MAST4: variants seen among roughly 807,000 people sequenced by gnomAD.
MAST4 encodes microtubule associated serine/threonine kinase family member 4, also known as microtubule-associated serine/threonine-protein kinase 4.
Under a neutral mutation model 162.7 loss-of-function variants are expected in MAST4, and 89 were observed. The ratio of observed to expected loss-of-function variants is 0.55; its 90% CI spans 0.46 to 0.65. The LOEUF (loss-of-function observed/expected upper bound fraction) is 0.65, where lower values mean the gene tolerates loss of function less well. Among genes scored for constraint, MAST4 ranks in the 30% least tolerant of loss-of-function variants. The probability of loss-of-function intolerance (pLI) is 0.00; values close to 1 mark genes in which losing one functional copy is unlikely to be tolerated. For missense variants in MAST4, 3,153 were observed against 3,374.0 expected (o/e 0.93, Z 1.62); for synonymous variants, 1,479 against 1,361.1 (o/e 1.09, Z -1.91).
At chr5:66,670,460 G>A (rs1243255469) in intron 1 of MAST4, among the ~76,000 whole-genome samples, 1 of 152,010 alleles carries the variant, frequency 6.6e-6, no homozygotes, top group Non-Finnish European at 1.5e-5. Flanking sequence ...TTATAAATCA[G>A]GATTGTGGAA....
intron 3 of MAST4, among the ~76,000 whole-genome samples, chr5:66,834,771 C>G (rs1561365507): frequency 6.6e-6 from 1 of 152,200 alleles, no homozygotes; most frequent in Non-Finnish European, 1.5e-5. Flanking sequence ...CAATCAGACT[C>G]TTAATCCTCA....
At chr5:67,030,680 T>C (rs2150430225) in intron 4 of MAST4, among the ~76,000 whole-genome samples, 1 of 152,256 alleles carries the variant, frequency 6.6e-6, no homozygotes, top group Non-Finnish European at 1.5e-5. Context: ...GTTTAAAACA[T>C]TAAAACCATA....
intron 3 of MAST4, among the ~76,000 whole-genome samples, chr5:66,807,299 A>G (rs1424504504): frequency 6.6e-6 from 1 of 152,024 alleles, no homozygotes; most frequent in South Asian, 2.1e-4. Flanking sequence ...GATCGAGACC[A>G]TCCTGGCTAA....
In MAST4 at chr5:66,759,839, G is replaced by A; in HGVS notation, c.494G>A (p.Gly165Glu). Reference sequence around the variant, plus strand: ...GAGGATGGAAGACAGCTAAGGCGAGGGAGCCTGGGAGGAGCCCTGACTGGT... The same window carrying A: ...GAGGATGGAAGACAGCTAAGGCGAGAGAGCCTGGGAGGAGCCCTGACTGGT... ...LSEDGRQLRR[G>E]SLGGALTGRY... Residue 165 changes from glycine to glutamate, a missense_variant, in exon 2 of 29, where the codon GGG becomes GAG. Physicochemically the swap from Gly to Glu is moderately conservative, Grantham distance 98 (BLOSUM62 -2). Transcript: ENST00000403625. 6.2e-7 allele frequency: 1 copy of A among 1,613,924 alleles called. No individual in the cohort carries two copies. The highest frequency in any genetic ancestry group is 8.5e-7 in the Non-Finnish European group (1 of 1,179,860).
intron 1 of MAST4, among the ~76,000 whole-genome samples, chr5:66,696,517 C>T (rs1749412032): frequency 6.6e-6 from 1 of 152,090 alleles, no homozygotes; most frequent in Admixed American, 6.6e-5. Flanking sequence ...CTGTCATTCT[C>T]ATAACTTGAG....
chr5:66,782,289 C>CA (rs573328157), intron 2 of MAST4, among the ~76,000 whole-genome samples: 32,515 of 92,318 alleles, frequency 0.35, 4,809 homozygotes, highest in Middle Eastern at 0.48. Context: ...GACTTCGTCT[C>CA]AAAAAAAAAA....
chr5:66,812,401 G>A (rs983863669), intron 3 of MAST4, among the ~76,000 whole-genome samples: 11 of 152,086 alleles, frequency 7.2e-5, no homozygotes, highest in Non-Finnish European at 1.5e-5. Context: ...TTGAAACATG[G>A]CCCAGGAAAC....
chr5:67,128,165 A>G (rs1768492009), intron 14 of MAST4, among the ~76,000 whole-genome samples: 1 of 152,244 alleles, frequency 6.6e-6, no homozygotes, highest in Admixed American at 6.5e-5. Context: ...CTGATAAGCA[A>G]TAATGCTTTC....
intron 4 of MAST4, among the ~76,000 whole-genome samples, chr5:67,011,939 TAAAAC>T (rs1192873206): frequency 1.3e-5 from 2 of 152,094 alleles, no homozygotes; most frequent in Non-Finnish European, 2.9e-5. Flanking sequence ...TCATTAAAAA[TAAAAC>T]ATAAGAATTA....
chr5:66,967,768 A>G (rs1222651395), intron 4 of MAST4, among the ~76,000 whole-genome samples: 1 of 151,542 alleles, frequency 6.6e-6, no homozygotes, highest in Non-Finnish European at 1.5e-5. Context: ...AACTAAATAT[A>G]TATATATATA....
rs1487532330 is a variant in MAST4, at chr5:67,169,091, A to G, written c.*2040A>G. ...TACATATCTGTGTTTGGCAGTTGTCATAACCCAATCCTACATTCAGCCATC... is the reference window on the plus strand; with the variant it reads ...TACATATCTGTGTTTGGCAGTTGTCGTAACCCAATCCTACATTCAGCCATC... On this transcript the variant is annotated 3_prime_UTR_variant, in exon 29 of 29. Coordinates refer to ENST00000403625, the MANE Select transcript of MAST4 (RefSeq NM_001164664.2). 1 of 152,198 alleles carries G rather than the reference A, an allele frequency of 6.6e-6. No homozygotes were observed. The highest frequency in any genetic ancestry group is 1.5e-5 in the Non-Finnish European group (1 of 68,034). The allele number at this position is 152,198 out of a possible 1,614,324, so 9.4% of individuals were successfully genotyped here. A position where few individuals can be genotyped will look rare whatever the true frequency, so the allele number is the denominator to read the frequency against.
rs1436833354 is a variant in MAST4 at position 67,164,255 on chromosome 5, A to G, written c.5076A>G (p.Lys1692=). The change falls in exon 29 of 29, where the codon AAA becomes AAG. Residue 1692 remains lysine, a synonymous_variant. Transcript: ENST00000403625. This position sits in a 1 kb window ranked among gnomAD's most constrained non-coding sequence, Gnocchi z 5.3. The part of the protein sequence containing the change: ...KLANIDYLRK[K]MSLEDKEDNL... Reference sequence around the variant, plus strand: ...CCAACATCGATTACCTCCGAAAGAAAATGTCACTTGAGGACAAAGAGGACA... The same window carrying G: ...CCAACATCGATTACCTCCGAAAGAAGATGTCACTTGAGGACAAAGAGGACA... 6.2e-7 allele frequency: 1 copy of G among 1,613,912 alleles called. No individual in the cohort carries two copies. The highest frequency in any genetic ancestry group is 8.5e-7 in the Non-Finnish European group (1 of 1,179,904).
At chr5:67,069,432 T>C (rs1760657178) in intron 5 of MAST4, among the ~76,000 whole-genome samples, 1 of 151,852 alleles carries the variant, frequency 6.6e-6, no homozygotes, top group African/African-American at 2.4e-5. Flanking sequence ...GTGTTCTCCA[T>C]TGGAGGCATG....
intron 10 of MAST4, among the ~76,000 whole-genome samples, chr5:67,105,690 C>T (rs535408859): frequency 6.6e-6 from 1 of 152,286 alleles, no homozygotes; most frequent in African/African-American, 2.4e-5. Context: ...GGTTTCCTGG[C>T]AAAGTAAAAT....
intron 4 of MAST4, among the ~76,000 whole-genome samples, chr5:66,937,860 A>G (rs1580940192): frequency 6.6e-6 from 1 of 152,064 alleles, no homozygotes; most frequent in Admixed American, 6.5e-5. Context: ...TTCTCTTTCT[A>G]AAGTGTTTTC....
chr5:66,879,345 T>C (rs71594480), intron 3 of MAST4, among the ~76,000 whole-genome samples: 2,837 of 133,536 alleles, frequency 0.021, 34 homozygotes, highest in South Asian at 0.052. Context: ...TTAAAATATA[T>C]ACACACACAC....
chr5:66,631,865 G>T (rs1272021331), intron 1 of MAST4, among the ~76,000 whole-genome samples: 1 of 152,146 alleles, frequency 6.6e-6, no homozygotes, highest in Admixed American at 6.5e-5. Flanking sequence ...GAACCAAAGA[G>T]AATTTAAATA....
intron 1 of MAST4, among the ~76,000 whole-genome samples, chr5:66,633,726 C>A (rs16895351): frequency 0.26 from 39,000 of 152,102 alleles, 5,170 homozygotes; most frequent in East Asian, 0.3. Flanking sequence ...GGTTACCCAC[C>A]TTTGTTGCTC....
At chr5:66,646,669 A>G (rs756193891) in intron 1 of MAST4, among the ~76,000 whole-genome samples, 12 of 152,170 alleles carry the variant, frequency 7.9e-5, no homozygotes, top group Non-Finnish European at 1.2e-4. Context: ...TCTACTTCCT[A>G]CTTAACTCCA....
Sources: allele counts gnomAD v4.1 joint callset (sites outside exome capture counted in the v4.1 genomes callset), GRCh38; gene constraint gnomAD v4.1.1; non-coding constraint Gnocchi (gnomAD v3.1); transcripts MANE v1.5; gene names NCBI Gene and HGNC (gene_info 2026-07-23, HGNC 2026-07-21).